Variants in ADH6 observed in about 807,000 individuals in gnomAD.
ADH6 encodes alcohol dehydrogenase 6.
In ADH6, 34 loss-of-function variants were observed where a neutral mutation model predicts 36.5. That is an observed-to-expected ratio of 0.93 (90% CI 0.71 to 1.24). ADH6 has a LOEUF of 1.24. Among genes scored for constraint, ADH6 ranks in the 50% most tolerant of loss-of-function variants. The pLI is 0.00. For missense variants in ADH6, 440 were observed against 447.0 expected (o/e 0.98, Z 0.14); for synonymous variants, 161 against 155.5 (o/e 1.04, Z -0.26).
At chr4:99,205,724 G>A (rs1045462394) in intron 7 of ADH6, among the ~76,000 whole-genome samples, 3 of 152,218 alleles carry the variant, frequency 2.0e-5, no homozygotes, top group Non-Finnish European at 4.4e-5. Flanking sequence ...TAAGTGCCAC[G>A]CTCAGTGAGT....
chr4:99,209,908 G>A (rs1731163367), intron 5 of ADH6, among the ~76,000 whole-genome samples, 174 bp downstream of exon 5: 1 of 152,092 alleles, frequency 6.6e-6, no homozygotes, highest in African/African-American at 2.4e-5. Flanking sequence ...GAGGGAATGG[G>A]AAAAATGTTG....
chr4:99,211,432 G>C (rs1178077232), intron 3 of ADH6, among the ~76,000 whole-genome samples: 1 of 152,128 alleles, frequency 6.6e-6, no homozygotes, highest in Non-Finnish European at 1.5e-5. Flanking sequence ...AACACTGATA[G>C]ATATTTAGGT....
intron 1 of ADH6, 40 bp downstream of exon 1, chr4:99,219,094 AC>A (rs1731549393): frequency 6.3e-7 from 1 of 1,597,080 alleles, no homozygotes; most frequent in African/African-American, 1.3e-5. Flanking sequence ...ACACAAACTG[AC>A]AAAGATATGA....
chr4:99,209,448 G>A (rs1435877221), intron 5 of ADH6, among the ~76,000 whole-genome samples: 1 of 151,906 alleles, frequency 6.6e-6, no homozygotes, highest in African/African-American at 2.4e-5. Context: ...ATAGTATTGG[G>A]ACTGATGGAC....
chr4:99,204,407 A>G (rs1430837412), intron 8 of ADH6, 164 bp from the exon 9 acceptor site: 6 of 1,414,202 alleles, frequency 4.2e-6, no homozygotes, highest in African/African-American at 1.5e-5. Context: ...TTAAAATGAC[A>G]TGAAACTCCA....
At chr4:99,216,873 G>T (rs1731451496) in intron 1 of ADH6, among the ~76,000 whole-genome samples, 1 of 151,996 alleles carries the variant, frequency 6.6e-6, no homozygotes, top group South Asian at 2.1e-4. Context: ...TATTTATGGG[G>T]TACATGAAAA....
In ADH6 at chr4:99,219,168, C is replaced by T. The variant is rs765777460; in HGVS notation, c.-16G>A. The stretch of plus-strand genomic sequence containing the variant: ...TAGTACTCATGCTGATTTTCTCCAC[C>T]GCAGATGAATTTATTGAGAAAGGGA... On this transcript the variant is annotated 5_prime_UTR_variant, in exon 1 of 9. Transcript: ENST00000394899. The T allele has an allele frequency of 1.2e-5, 20 of 1,609,528 alleles. No individual in the cohort carries two copies. The highest frequency in any genetic ancestry group is 3.3e-5 in the Admixed American group (2 of 60,004).
At chr4:99,207,726 T>G in intron 6 of ADH6, 145 bp from the exon 7 acceptor site, 1 of 902,444 alleles carries the variant, frequency 1.1e-6, no homozygotes, top group South Asian at 2.1e-5. Flanking sequence ...AACATTTATC[T>G]TGTAAGGATG....
chr4:99,215,181 A>C (rs902550055), intron 2 of ADH6, among the ~76,000 whole-genome samples: 1 of 152,174 alleles, frequency 6.6e-6, no homozygotes, highest in African/African-American at 2.4e-5. Context: ...AGTGGATGCG[A>C]ACAACCCAAT....
At chr4:99,210,013 A>C (rs552695499) in intron 5 of ADH6, 69 bp downstream of exon 5, 24 of 1,492,788 alleles carry the variant, frequency 1.6e-5, no homozygotes, top group Non-Finnish European at 2.2e-5. Context: ...AGAGATGACA[A>C]AGATGCAAGA....
Position 99,208,982 on chromosome 4 carries a change from C to T in ADH6, c.568-54G>A, listed in dbSNP as rs114415450. ...AAACAAAAAGCAAAGAGAACATACA[C>T]CTTTACTCAGTTGGGAAGGCTAAGT... On this transcript the variant is annotated intron_variant, in intron 5 of 8. Transcript: ENST00000394899. 13,734 of 1,551,936 alleles carry T rather than the reference C, an allele frequency of 8.8e-3. 89 individuals are homozygous for T. The highest frequency in any genetic ancestry group is 0.011 in the Non-Finnish European group (12,109 of 1,150,568).
Position 99,202,743 on chromosome 4 carries a change from A to G in ADH6, c.*1476T>C. 1 of 398,206 alleles carries G rather than the reference A, an allele frequency of 2.5e-6. No homozygotes were observed. The highest frequency in any genetic ancestry group is 4.4e-6 in the Non-Finnish European group (1 of 225,776). The allele number at this position is 398,206 out of a possible 1,614,324, so 24.7% of individuals were successfully genotyped here. A position where few individuals can be genotyped will look rare whatever the true frequency, so the allele number is the denominator to read the frequency against. On this transcript the variant is annotated 3_prime_UTR_variant, in exon 9 of 9. Coordinates refer to ENST00000394899, the MANE Select transcript of ADH6 (RefSeq NM_001102470.2). ...TTCCCAAGACCCGAAGACTCCTCCA[A>G]GTTCTCACTGTTAGTAAGGTCAATT... is the stretch of plus-strand genomic sequence containing the variant.
intron 3 of ADH6, 55 bp from the exon 4 acceptor site, chr4:99,210,557 A>C (rs548740475): frequency 6.8e-5 from 95 of 1,387,792 alleles, no homozygotes; most frequent in Non-Finnish European, 9.1e-5. Flanking sequence ...GTAAAGACAT[A>C]GCTGTCTTTC....
intron 7 of ADH6, among the ~76,000 whole-genome samples, chr4:99,206,569 CT>C (rs5860569): frequency 0.44 from 63,966 of 146,870 alleles, 14,803 homozygotes; most frequent in East Asian, 0.88. Flanking sequence ...TGGATTATTA[CT>C]TTTTTTTTTT....
At chr4:99,216,283 G>T in intron 1 of ADH6, 21 bp from the exon 2 acceptor site, 2 of 1,484,152 alleles carry the variant, frequency 1.3e-6, no homozygotes, top group Non-Finnish European at 1.8e-6. Flanking sequence ...GAATACAGGG[G>T]CAGAAAGAGA....
chr4:99,209,055 TACATA>T (rs1197062314), intron 5 of ADH6, 127 bp from the exon 6 acceptor site: 2 of 976,146 alleles, frequency 2.0e-6, no homozygotes, highest in African/African-American at 1.7e-5. Context: ...GATGTTTACA[TACATA>T]ACATATTATA....
At chr4:99,205,149 G>T in intron 7 of ADH6, 86 bp from the exon 8 acceptor site, 1 of 1,408,348 alleles carries the variant, frequency 7.1e-7, no homozygotes, top group Non-Finnish European at 9.4e-7. Context: ...GAAGTTGTTG[G>T]CTTTGACTGA....
chr4:99,208,721 T>C lies in ADH6; in HGVS notation c.775A>G (p.Thr259Ala). 2 of 1,613,866 alleles carry C rather than the reference T, an allele frequency of 1.2e-6. No individual in the cohort carries two copies. Among genetic ancestry groups the C allele is most frequent in the South Asian group, 1.1e-5 (1 of 91,076 alleles). ...KPIQEVLFDM[T>A]DAGIDFCFEA... The stretch of plus-strand genomic sequence containing the variant: ...AAGCAGAAGTCTATACCAGCATCTG[T>C]CATATCAAATAAAACTTCTTGAATG... The change falls in exon 6 of 9, where the codon ACA (threonine) becomes GCA (alanine). Residue 259 changes from threonine (T) to alanine (A), a missense_variant. By Grantham distance (58) the Thr-to-Ala change is moderately conservative (BLOSUM62 0). Coordinates refer to ENST00000394899, the MANE Select transcript of ADH6 (RefSeq NM_001102470.2).
chr4:99,214,160 G>T (rs1731320829), intron 2 of ADH6, among the ~76,000 whole-genome samples: 2 of 152,196 alleles, frequency 1.3e-5, no homozygotes, highest in African/African-American at 2.4e-5. Context: ...GGAGGCTGAG[G>T]CAGGAGAGTC....
Sources: allele counts gnomAD v4.1 joint callset (sites outside exome capture counted in the v4.1 genomes callset), GRCh38; gene constraint gnomAD v4.1.1; transcripts MANE v1.5; gene names NCBI Gene and HGNC (gene_info 2026-07-23, HGNC 2026-07-21).